SUCO: variants seen among roughly 807,000 people sequenced by gnomAD.
SUCO encodes SUN domain containing ossification factor.
In SUCO, 57 loss-of-function variants were observed where a neutral mutation model predicts 148.1. That is an observed-to-expected ratio of 0.38 (90% CI 0.31 to 0.48). The LOEUF (loss-of-function observed/expected upper bound fraction) is 0.48, where lower values mean the gene tolerates loss of function less well. Ranked by LOEUF, SUCO falls within the 20% of genes least tolerant of loss-of-function variation. SUCO has a pLI of 0.96. For synonymous variants in SUCO, 470 were observed against 502.7 expected (o/e 0.93, Z 0.87); for missense variants, 1,331 against 1,468.2 (o/e 0.91, Z 1.53).
chr1:172,545,191 T>C (rs1236209869), intron 1 of SUCO, among the ~76,000 whole-genome samples: 3 of 152,162 alleles, frequency 2.0e-5, no homozygotes, highest in African/African-American at 7.2e-5. Context: ...TGGATTTAGA[T>C]GTTTTTGAGA....
intron 19 of SUCO, among the ~76,000 whole-genome samples, chr1:172,595,291 T>C (rs1257132146): frequency 6.6e-6 from 1 of 152,250 alleles, no homozygotes; most frequent in Admixed American, 6.5e-5. Context: ...TTAAGGTTAA[T>C]ATTGTTATAT....
chr1:172,560,001 A>C (rs1300483421), intron 6 of SUCO, among the ~76,000 whole-genome samples: 1 of 152,194 alleles, frequency 6.6e-6, no homozygotes, highest in Non-Finnish European at 1.5e-5. Flanking sequence ...GCACAAGGAC[A>C]GAGATCCATC....
At chr1:172,552,598 G>A in intron 2 of SUCO, 1 of 975,252 alleles carries the variant, frequency 1.0e-6, no homozygotes, top group Non-Finnish European at 1.2e-6. Flanking sequence ...AAGTTATGTT[G>A]GATATATTTC....
chr1:172,532,528 G>A, upstream of SUCO: 1 of 1,613,760 alleles, frequency 6.2e-7, no homozygotes, highest in Non-Finnish European at 8.5e-7. Context: ...CTAGCTCAAT[G>A]GGGCAGTCCA....
chr1:172,600,472 A>G (rs879435616), intron 20 of SUCO, among the ~76,000 whole-genome samples: 17 of 152,224 alleles, frequency 1.1e-4, no homozygotes, highest in African/African-American at 2.9e-4. Context: ...AAAAAGGCCT[A>G]TAAAGTTGCT....
intron 22 of SUCO, among the ~76,000 whole-genome samples, chr1:172,604,497 TG>T (rs957523113): frequency 1.3e-5 from 2 of 151,950 alleles, no homozygotes. Flanking sequence ...CTAAGCTCTG[TG>T]GGAGAGACCA....
At chr1:172,570,217 CT>C (rs1654852125) in intron 8 of SUCO, 46 bp downstream of exon 8, 1 of 1,199,422 alleles carries the variant, frequency 8.3e-7, no homozygotes, top group Non-Finnish European at 1.2e-6. Context: ...AAATTAACGA[CT>C]TTTTAAAATA....
Position 172,610,505 on chromosome 1 carries a change from A to G in SUCO, c.*246A>G, listed in dbSNP as rs938897874. ...CATTTTATAAAGATGTTTTTTCACA[A>G]GATTAATTACTGGGACAAAAGTAAT... On this transcript the variant is annotated 3_prime_UTR_variant, in exon 24 of 24. Transcript: ENST00000263688. 4.7e-6 allele frequency: 2 copies of G among 424,838 alleles called. No homozygotes were observed. The highest frequency in any genetic ancestry group is 7.5e-6 in the Non-Finnish European group (2 of 266,842). 26.3% of individuals were successfully genotyped at this position (424,838 alleles called of 1,614,324 possible).
In SUCO at chr1:172,533,420, G is replaced by A. The variant is rs770415148; in HGVS notation, c.-16G>A. The stretch of plus-strand genomic sequence containing the variant: ...AGGATGTGCCGCCTTCTGGCAGGGG[G>A]AAGAAGGAGGAGAAGATGAAGAAGC... On this transcript the variant is annotated 5_prime_UTR_variant, in exon 1 of 24. Coordinates refer to ENST00000263688, the MANE Select transcript of SUCO (RefSeq NM_014283.5). 2.6e-6 allele frequency: 4 copies of A among 1,555,896 alleles called. No homozygotes were observed. Among genetic ancestry groups the A allele is most frequent in the East Asian group, 2.4e-5 (1 of 41,368 alleles).
chr1:172,558,876 A>C (rs1263145814), intron 6 of SUCO, among the ~76,000 whole-genome samples: 2 of 152,222 alleles, frequency 1.3e-5, no homozygotes, highest in East Asian at 3.8e-4. Flanking sequence ...TGTTCTCCTT[A>C]GCAGACTGAA....
At position 172,577,819 on chromosome 1, in the gene SUCO, G is replaced by A; in HGVS notation, c.1340G>A (p.Arg447Lys). 1 of 1,605,314 alleles carries A rather than the reference G, an allele frequency of 6.2e-7. No individual in the cohort carries two copies. Among genetic ancestry groups the A allele is most frequent in the Non-Finnish European group, 8.5e-7 (1 of 1,174,822 alleles). Residue 447 changes from arginine (R) to lysine (K), a missense_variant and splice_region_variant, in exon 13 of 24, where the codon AGG (arginine) becomes AAG (lysine). By Grantham distance (26) the Arg-to-Lys change is conservative. Transcript: ENST00000263688. ...SEHFCPLSLI[R>K]VFGTSMVEEY... is the part of the protein sequence containing the mutation. ...CACTTTTGTCCATTAAGCCTTATAA[G>A]GTAATGCAGAACAAAATACATTTAT...
chr1:172,553,115 T>A (rs1029359551), intron 2 of SUCO, 145 bp from the exon 3 acceptor site: 19 of 862,712 alleles, frequency 2.2e-5, no homozygotes, highest in Non-Finnish European at 2.9e-5. Context: ...GACAATAATC[T>A]TGTATACAAA....
At chr1:172,557,537 G>T (rs1424136518) in intron 5 of SUCO, 107 bp from the exon 6 acceptor site, 1 of 1,488,490 alleles carries the variant, frequency 6.7e-7, no homozygotes, top group Non-Finnish European at 9.1e-7. Flanking sequence ...ATCTCTTTGT[G>T]TTTCTTCCTT....
chr1:172,550,888 G>T (rs1653242546), intron 1 of SUCO: 1 of 977,352 alleles, frequency 1.0e-6, no homozygotes, highest in African/African-American at 1.8e-5. Flanking sequence ...ATTTTATTAT[G>T]TTGGACTAGT....
chr1:172,573,470 G>A (rs1655196900), intron 9 of SUCO, among the ~76,000 whole-genome samples: 1 of 152,018 alleles, frequency 6.6e-6, no homozygotes, highest in African/African-American at 2.4e-5. Flanking sequence ...GTGGACATCT[G>A]AAGCCTTGAA....
intron 1 of SUCO, chr1:172,543,160 T>A (rs1055825925): frequency 2.6e-5 from 7 of 270,228 alleles, no homozygotes; most frequent in Non-Finnish European, 4.0e-5. Context: ...TGATGAAATA[T>A]CTTTCAAAGG....
At position 172,589,431 on chromosome 1, in the gene SUCO, C is replaced by G. The variant is rs1656476010; in HGVS notation, c.2330C>G (p.Thr777Arg). 6.2e-7 allele frequency: 1 copy of G among 1,613,094 alleles called. No individual in the cohort carries two copies. The highest frequency in any genetic ancestry group is 8.5e-7 in the Non-Finnish European group (1 of 1,179,644). The stretch of plus-strand genomic sequence containing the variant: ...AGTTCTGTTGAGATCGATAATGAAA[C>G]AGAACAAAAGTCTGAGAGCTTTAGT... Reference protein sequence around the residue: ...QESSVEIDNETEQKSESFSSI... With the variant: ...QESSVEIDNEREQKSESFSSI... The change falls in exon 18 of 24, where the codon ACA (threonine) becomes AGA (arginine). Residue 777 changes from threonine (T) to arginine (R), a missense_variant. Transcript: ENST00000263688.
At chr1:172,600,276 T>C (rs1657415186) in intron 20 of SUCO, 108 bp downstream of exon 20, 6 of 787,254 alleles carry the variant, frequency 7.6e-6, no homozygotes, top group Non-Finnish European at 1.2e-5. Flanking sequence ...CAAACAAAAT[T>C]GTCATTTGTA....
chr1:172,593,446 C>G (rs1263807448), intron 19 of SUCO, among the ~76,000 whole-genome samples: 1 of 152,096 alleles, frequency 6.6e-6, no homozygotes, highest in African/African-American at 2.4e-5. Context: ...TGAGCTACAT[C>G]CCATCAATAC....
Sources: allele counts gnomAD v4.1 joint callset (sites outside exome capture counted in the v4.1 genomes callset), GRCh38; gene constraint gnomAD v4.1.1; transcripts MANE v1.5; gene names NCBI Gene and HGNC (gene_info 2026-07-23, HGNC 2026-07-21).